GNAQ: variants seen among roughly 807,000 people sequenced by gnomAD.
GNAQ encodes guanine nucleotide-binding protein G(q) subunit alpha.
Under a neutral mutation model 43.9 loss-of-function variants are expected in GNAQ, and 8 were observed. That is an observed-to-expected ratio of 0.18 (90% confidence interval 0.11 to 0.33). GNAQ has a LOEUF of 0.33. GNAQ is among the 10% of genes least tolerant of loss of function. The pLI is 1.00. For missense variants in GNAQ, 158 were observed against 450.8 expected (o/e 0.35, Z 5.88); for synonymous variants, 155 against 170.7 (o/e 0.91, Z 0.71).
In GNAQ at chr9:77,980,330, C is replaced by A. The variant is rs149932778; in HGVS notation, c.136+50770G>T. Among the ~76,000 whole-genome samples, 893 of 152,204 alleles carry A rather than the reference C, an allele frequency of 5.9e-3. 6 individuals are homozygous for A. The highest frequency in any genetic ancestry group is 0.02 in the African/African-American group (840 of 41,512). On this transcript the variant is annotated intron_variant, in intron 1 of 6. Coordinates refer to ENST00000286548, the MANE Select transcript of GNAQ (RefSeq NM_002072.5). ...TATCAAGTGTCTCTCGAATTAGCCA[C>A]AGTAAGTGAGGACTGAGCATCAAGC...
At chr9:77,903,915 A>G (rs551253658) in intron 2 of GNAQ, among the ~76,000 whole-genome samples, 1 of 135,300 alleles carries the variant, frequency 7.4e-6, no homozygotes, top group South Asian at 2.8e-4. Context: ...CATACCTTCC[A>G]TATTTTAGGG....
chr9:77,911,682 G>A (rs1004212887), intron 2 of GNAQ, among the ~76,000 whole-genome samples: 1 of 152,158 alleles, frequency 6.6e-6, no homozygotes, highest in Non-Finnish European at 1.5e-5. Context: ...AAGGGATTCT[G>A]ATGCAAAATC....
At chr9:77,961,431 G>T (rs1373532026) in intron 1 of GNAQ, among the ~76,000 whole-genome samples, 1 of 152,158 alleles carries the variant, frequency 6.6e-6, no homozygotes, top group Non-Finnish European at 1.5e-5. Flanking sequence ...GCTGAACAGA[G>T]AGAAAGCTCT....
rs1335564282 is a variant in GNAQ at position 77,718,086 on chromosome 9, T to C, written c.*3237A>G. On this transcript the variant is annotated 3_prime_UTR_variant, in exon 7 of 7. Coordinates refer to ENST00000286548, the MANE Select transcript of GNAQ (RefSeq NM_002072.5). ...TGTAAACTGGTACACTGCAATGTGT[T>C]AAGTGAGTCATGAAATGGCTGCTTG... 8.6e-6 allele frequency: 2 copies of C among 232,818 alleles called. No individual in the cohort carries two copies. 14.4% of individuals were successfully genotyped at this position (232,818 alleles called of 1,614,324 possible).
At chr9:77,779,125 C>T (rs1266975270) in intron 5 of GNAQ, among the ~76,000 whole-genome samples, 1 of 151,894 alleles carries the variant, frequency 6.6e-6, no homozygotes, top group East Asian at 1.9e-4. Context: ...ACATTCTTCT[C>T]AAGCTCACAC....
chr9:77,883,738 C>T (rs1165164213), intron 2 of GNAQ, among the ~76,000 whole-genome samples: 1 of 152,020 alleles, frequency 6.6e-6, no homozygotes, highest in Non-Finnish European at 1.5e-5. Context: ...GACCAGGGTA[C>T]AATCAGAGTT....
chr9:77,896,826 T>C (rs1176244268), intron 2 of GNAQ, among the ~76,000 whole-genome samples: 2 of 152,240 alleles, frequency 1.3e-5, no homozygotes, highest in Non-Finnish European at 2.9e-5. Context: ...TTATTTACTA[T>C]GCACTTCAGA....
intron 1 of GNAQ, among the ~76,000 whole-genome samples, chr9:77,989,453 C>T (rs1473600306): frequency 2.0e-5 from 3 of 152,226 alleles, no homozygotes; most frequent in Admixed American, 2.0e-4. Context: ...GACTGTGAGA[C>T]TCAGGGAAGA....
intron 6 of GNAQ, among the ~76,000 whole-genome samples, chr9:77,725,562 C>T (rs938945930): frequency 3.5e-4 from 38 of 108,250 alleles, no homozygotes; most frequent in Admixed American, 2.0e-3. Flanking sequence ...TATATGTATA[C>T]TGGGGTAAGG....
chr9:77,841,933 C>T (rs995965076), intron 2 of GNAQ, among the ~76,000 whole-genome samples: 1 of 152,140 alleles, frequency 6.6e-6, no homozygotes, highest in African/African-American at 2.4e-5. Context: ...AAAAGCATGG[C>T]TTCAGTTTTG....
intron 2 of GNAQ, among the ~76,000 whole-genome samples, chr9:77,907,235 C>T (rs896110835): frequency 1.3e-5 from 2 of 151,930 alleles, no homozygotes; most frequent in African/African-American, 4.8e-5. Flanking sequence ...TTTCATTATC[C>T]CAAGACTGCA....
chr9:77,809,115 C>A (rs1207720045), intron 3 of GNAQ, among the ~76,000 whole-genome samples: 1 of 152,138 alleles, frequency 6.6e-6, no homozygotes. Context: ...CATCATCAGA[C>A]TCAAAAAATG....
chr9:78,004,364 G>A (rs1002751739), intron 1 of GNAQ, among the ~76,000 whole-genome samples: 3 of 151,654 alleles, frequency 2.0e-5, no homozygotes, highest in South Asian at 2.1e-4. Context: ...ACCATTCTCC[G>A]AAGTGGGGTC....
intron 1 of GNAQ, among the ~76,000 whole-genome samples, chr9:77,923,728 G>A (rs1348992594): frequency 6.6e-6 from 1 of 151,778 alleles, no homozygotes; most frequent in African/African-American, 2.4e-5. Flanking sequence ...CTATCATCAG[G>A]GTCCTTAATG....
chr9:77,888,006 G>A (rs987525818), intron 2 of GNAQ, among the ~76,000 whole-genome samples: 1 of 152,138 alleles, frequency 6.6e-6, no homozygotes, highest in Non-Finnish European at 1.5e-5. Context: ...AAGGGGGTAC[G>A]GGATGCCTAA....
chr9:78,024,812 A>G (rs1268491727), intron 1 of GNAQ, among the ~76,000 whole-genome samples: 1 of 152,106 alleles, frequency 6.6e-6, no homozygotes. Context: ...TCTGCATGAA[A>G]CTGTTCCTTC....
At chr9:77,876,790 C>G (rs1375028606) in intron 2 of GNAQ, among the ~76,000 whole-genome samples, 1 of 152,178 alleles carries the variant, frequency 6.6e-6, no homozygotes, top group African/African-American at 2.4e-5. Flanking sequence ...AATCAGTGAG[C>G]TGGCTTCAAC....
At chr9:77,814,458 G>C (rs1307357621) in intron 3 of GNAQ, among the ~76,000 whole-genome samples, 2 of 152,080 alleles carry the variant, frequency 1.3e-5, no homozygotes, top group African/African-American at 4.8e-5. Context: ...TACAAAAATG[G>C]TGCTCATGAG....
chr9:78,025,963 G>C (rs577783580), intron 1 of GNAQ, among the ~76,000 whole-genome samples: 62 of 152,172 alleles, frequency 4.1e-4, no homozygotes, highest in Admixed American at 9.2e-4. Flanking sequence ...GGCTGTTTCA[G>C]GTCCTAAAAA....
Sources: allele counts gnomAD v4.1 joint callset (sites outside exome capture counted in the v4.1 genomes callset), GRCh38; gene constraint gnomAD v4.1.1; transcripts MANE v1.5; gene names NCBI Gene and HGNC (gene_info 2026-07-23, HGNC 2026-07-21).